DNAH6: variants seen among roughly 807,000 people sequenced by gnomAD.
DNAH6 encodes dynein axonemal heavy chain 6.
DNAH6 carries 340 observed loss-of-function variants against 491.4 expected under a neutral mutation model. The observed-to-expected ratio is 0.69, with a 90% CI of 0.63 to 0.76. The LOEUF (loss-of-function observed/expected upper bound fraction) is 0.76. Ranked by LOEUF, DNAH6 falls within the 30% of genes least tolerant of loss-of-function variation. The probability of loss-of-function intolerance (pLI) is 0.00; values close to 1 mark genes in which losing one functional copy is unlikely to be tolerated. For synonymous variants in DNAH6, 1,603 were observed against 1,686.1 expected (o/e 0.95, Z 1.21); for missense variants, 4,443 against 4,972.2 (o/e 0.89, Z 3.20).
intron 18 of DNAH6, among the ~76,000 whole-genome samples, chr2:84,596,563 T>G (rs1462945434): frequency 2.6e-5 from 4 of 152,010 alleles, no homozygotes; most frequent in African/African-American, 9.7e-5. Context: ...AATCCTGACC[T>G]CACGTGATCC....
intron 37 of DNAH6, among the ~76,000 whole-genome samples, chr2:84,667,421 A>C (rs997713809): frequency 3.9e-5 from 6 of 152,130 alleles, no homozygotes; most frequent in African/African-American, 1.2e-4. Flanking sequence ...TCAAACAACC[A>C]CATCAAAAAG....
intron 64 of DNAH6, among the ~76,000 whole-genome samples, chr2:84,774,634 T>C (rs1039091676): frequency 1.3e-5 from 2 of 152,132 alleles, no homozygotes; most frequent in African/African-American, 4.8e-5. Context: ...GTATATTGCT[T>C]TGGGAAGTAT....
intron 52 of DNAH6, 100 bp downstream of exon 52, chr2:84,705,847 G>A: frequency 7.7e-7 from 1 of 1,295,772 alleles, no homozygotes; most frequent in Non-Finnish European, 1.0e-6. Context: ...ACGCAATATA[G>A]ACAGTGACAA....
intron 42 of DNAH6, among the ~76,000 whole-genome samples, chr2:84,684,910 G>A (rs896282489): frequency 6.6e-6 from 1 of 152,232 alleles, no homozygotes; most frequent in African/African-American, 2.4e-5. Flanking sequence ...GGGGAAGAAA[G>A]AGAGAAATGG....
intron 33 of DNAH6, among the ~76,000 whole-genome samples, chr2:84,647,486 G>A (rs1416071267): frequency 6.6e-6 from 1 of 152,170 alleles, no homozygotes; most frequent in Admixed American, 6.5e-5. Flanking sequence ...GCTGACTCTA[G>A]TTAGGGGCTA....
chr2:84,804,076 A>C (rs1474467863), intron 70 of DNAH6, among the ~76,000 whole-genome samples: 1 of 151,918 alleles, frequency 6.6e-6, no homozygotes, highest in Non-Finnish European at 1.5e-5. Context: ...GCGTGGTGAC[A>C]GGTGCCTGTA....
At chr2:84,810,655 T>C (rs567074417) in intron 72 of DNAH6, among the ~76,000 whole-genome samples, 5 of 152,248 alleles carry the variant, frequency 3.3e-5, no homozygotes, top group African/African-American at 1.2e-4. Context: ...GGCAGTACTA[T>C]GGTGGCAATA....
chr2:84,765,047 C>A (rs940826739), intron 64 of DNAH6, among the ~76,000 whole-genome samples: 8 of 151,910 alleles, frequency 5.3e-5, no homozygotes, highest in African/African-American at 1.9e-4. Flanking sequence ...GACTATGTCA[C>A]ACAAACTAAT....
chr2:84,718,453 G>A, intron 59 of DNAH6, 69 bp downstream of exon 59: 2 of 1,293,136 alleles, frequency 1.5e-6, no homozygotes, highest in Non-Finnish European at 2.0e-6. Context: ...AGCCTTTGAG[G>A]GTCCTGCAAG....
At chr2:84,713,710 G>A (rs947156893) in intron 57 of DNAH6, among the ~76,000 whole-genome samples, 1 of 152,226 alleles carries the variant, frequency 6.6e-6, no homozygotes. Flanking sequence ...GTTGGGGGGA[G>A]GAGGAGATGT....
Position 84,621,222 on chromosome 2 carries a change from G to A in DNAH6, c.3824G>A (p.Gly1275Asp), listed in dbSNP as rs1342662386. The A allele has an allele frequency of 1.9e-5, 30 of 1,551,466 alleles. No homozygotes were observed. The highest frequency in any genetic ancestry group is 2.4e-5 in the Non-Finnish European group (28 of 1,146,890). ...TTGGGGAAAGGCCTCAAGGCCCGAG[G>A]CAATGTAGAGGAATGGCTTGGTAAA... is the stretch of plus-strand genomic sequence containing the variant. ...VSLGKGLKARGNVEEWLGKVE... is the reference protein window; with the variant it reads ...VSLGKGLKARDNVEEWLGKVE... The change falls in exon 25 of 77, where the codon GGC becomes GAC. Residue 1275 changes from glycine (G) to aspartate (D), a missense_variant. This residue lies in a region of DNAH6 where 2,977 missense variants were observed against 3,296.6 expected (regional missense o/e 0.90). Coordinates refer to ENST00000389394, the MANE Select transcript of DNAH6 (RefSeq NM_001370.2).
At chr2:84,731,179 G>C (rs1418497293) in intron 61 of DNAH6, among the ~76,000 whole-genome samples, 1 of 152,186 alleles carries the variant, frequency 6.6e-6, no homozygotes, top group African/African-American at 2.4e-5. Context: ...AGCTTAGTGA[G>C]ATAGGAACTG....
intron 22 of DNAH6, among the ~76,000 whole-genome samples, chr2:84,616,366 G>A (rs1341684520): frequency 6.6e-6 from 1 of 151,974 alleles, no homozygotes; most frequent in East Asian, 1.9e-4. Context: ...AAATTTGGGA[G>A]CTCCAGTGTT....
At chr2:84,713,288 C>G in intron 57 of DNAH6, 29 bp downstream of exon 57, 1 of 1,543,580 alleles carries the variant, frequency 6.5e-7, no homozygotes. Context: ...GAATTCTCAA[C>G]TTAACTGGAT....
intron 72 of DNAH6, among the ~76,000 whole-genome samples, chr2:84,811,103 A>G (rs973097078): frequency 6.6e-6 from 1 of 152,202 alleles, no homozygotes; most frequent in African/African-American, 2.4e-5. Flanking sequence ...GGACAAATCT[A>G]AGTAAAACAC....
chr2:84,599,835 C>G (rs796568787), intron 18 of DNAH6, among the ~76,000 whole-genome samples: 9 of 152,254 alleles, frequency 5.9e-5, no homozygotes, highest in African/African-American at 2.2e-4. Flanking sequence ...ATTATTTTGT[C>G]TATTCTAATT....
intron 60 of DNAH6, among the ~76,000 whole-genome samples, chr2:84,726,823 C>T (rs971526191): frequency 6.6e-5 from 10 of 152,084 alleles, no homozygotes; most frequent in African/African-American, 2.2e-4. Flanking sequence ...CTTCCTTCCA[C>T]TCCACTTAAA....
At chr2:84,753,825 TA>T (rs1673721229) in intron 63 of DNAH6, among the ~76,000 whole-genome samples, 1 of 147,324 alleles carries the variant, frequency 6.8e-6, no homozygotes, top group Non-Finnish European at 1.5e-5. Context: ...CATTTTGAGT[TA>T]ATTTTTTTTT....
intron 4 of DNAH6, among the ~76,000 whole-genome samples, chr2:84,542,254 G>A (rs1678326434): frequency 6.6e-6 from 1 of 152,142 alleles, no homozygotes; most frequent in South Asian, 2.1e-4. Flanking sequence ...GATGCCTGAT[G>A]TTAATGAAAC....
Sources: gnomAD v4.1 joint callset for allele counts (sites outside exome capture counted in the v4.1 genomes callset) on GRCh38, gnomAD v4.1.1 for gene constraint, gnomAD v4.1.1 regional missense constraint, MANE v1.5 for transcripts, NCBI Gene and HGNC (gene_info 2026-07-23, HGNC 2026-07-21) for gene names.